SPRY2: variants seen among roughly 807,000 people sequenced by gnomAD.
The protein encoded by SPRY2 is sprouty RTK signaling antagonist 2.
Under a neutral mutation model 23.4 loss-of-function variants are expected in SPRY2, and 10 were observed. The ratio of observed to expected loss-of-function variants is 0.43; its 90% CI spans 0.26 to 0.73. SPRY2 has a LOEUF of 0.73. SPRY2 is among the 30% of genes least tolerant of loss of function. The probability of loss-of-function intolerance (pLI) is 0.22; values close to 1 mark genes in which losing one functional copy is unlikely to be tolerated. For synonymous variants in SPRY2, 170 were observed against 156.9 expected (o/e 1.08, Z -0.62); for missense variants, 344 against 396.9 (o/e 0.87, Z 1.13).
At position 80,336,677 on chromosome 13, in the gene SPRY2, T is replaced by C; in HGVS notation, c.*81A>G. The C allele has an allele frequency of 7.4e-7, 1 of 1,348,858 alleles. No individual in the cohort carries two copies. Among genetic ancestry groups the C allele is most frequent in the Non-Finnish European group, 1.0e-6 (1 of 963,906 alleles). 83.6% of individuals were successfully genotyped at this position (1,348,858 alleles called of 1,614,324 possible). A position where few individuals can be genotyped will look rare whatever the true frequency, so the allele number is the denominator to read the frequency against. ...CTTTCTATTAACAGTGCCAAGATTA[T>C]AACTGTTTAGTTGGTTGCATATGTG... On this transcript the variant is annotated 3_prime_UTR_variant, in exon 2 of 2. Coordinates refer to ENST00000377104, the MANE Select transcript of SPRY2 (RefSeq NM_005842.4).
intron 1 of SPRY2, among the ~76,000 whole-genome samples, chr13:80,338,451 T>C (rs558321651): frequency 5.3e-5 from 8 of 152,318 alleles, no homozygotes; most frequent in Admixed American, 6.5e-5. Context: ...CATGAATTTA[T>C]TTTCAACTTC....
rs1368730750 is a variant in SPRY2, at chr13:80,336,241, A to G, written c.*517T>C. Reference sequence around the variant, plus strand: ...AAGTCCAAAGGGAAATCAGAGTCTTACAATAAAGGCTTTCTGTAAGGCAAA... The same window carrying G: ...AAGTCCAAAGGGAAATCAGAGTCTTGCAATAAAGGCTTTCTGTAAGGCAAA... On this transcript the variant is annotated 3_prime_UTR_variant, in exon 2 of 2. Transcript: ENST00000377104. 1.1e-5 allele frequency: 2 copies of G among 174,816 alleles called. No homozygotes were observed. The highest frequency in any genetic ancestry group is 1.3e-4 in the South Asian group (1 of 7,434). 10.8% of individuals were successfully genotyped at this position (174,816 alleles called of 1,614,324 possible).
At chr13:80,339,450 TC>T (rs913969356) in intron 1 of SPRY2, 22 of 151,942 alleles carry the variant, frequency 1.4e-4, no homozygotes, top group African/African-American at 5.1e-4. Flanking sequence ...TTTTCCAGGG[TC>T]CCACTGCTCA....
At chr13:80,340,185 C>T (rs565574577) in intron 1 of SPRY2, among the ~76,000 whole-genome samples, 1 of 152,378 alleles carries the variant, frequency 6.6e-6, no homozygotes, top group African/African-American at 2.4e-5. Context: ...CAGCCTCTCC[C>T]TGGACTTTGC....
In SPRY2 at chr13:80,336,882, C is replaced by T. The variant is rs1244855227; in HGVS notation, c.824G>A (p.Cys275Tyr). The change falls in exon 2 of 2, where the codon TGC becomes TAC. Residue 275 changes from cysteine (C) to tyrosine (Y), a missense_variant. Transcript: ENST00000377104. ...CLWCYLPAKG[C>Y]LKLCQGCYDR... is the part of the protein sequence containing the mutation. Reference sequence around the variant, plus strand: ...ATAACACCCCTGGCACAATTTAAGGCAACCCTTGGCTGGAAGGTAACACCA... The same window carrying T: ...ATAACACCCCTGGCACAATTTAAGGTAACCCTTGGCTGGAAGGTAACACCA... 6.2e-7 allele frequency: 1 copy of T among 1,614,026 alleles called. No individual in the cohort carries two copies. Among genetic ancestry groups the T allele is most frequent in the Non-Finnish European group, 8.5e-7 (1 of 1,180,048 alleles).
In SPRY2 at chr13:80,336,849, AC is replaced by A; in HGVS notation, c.856del (p.Val286LeufsTer69). On this transcript the variant is annotated frameshift_variant, in exon 2 of 2. Transcript: ENST00000377104. LOFTEE classifies it high-confidence loss of function. ...TTTACAGCGGCAACCAGGCCTGTTAACCCGGTCATAACACCCCTGGCACAAT... is the reference window on the plus strand; with the variant it reads ...TTTACAGCGGCAACCAGGCCTGTTAACCGGTCATAACACCCCTGGCACAAT... ...LKLCQGCYDR[V>X]NRPGCRCKNS... is the part of the protein sequence containing the mutation. 6.2e-7 allele frequency: 1 copy of A among 1,614,134 alleles called. No individual in the cohort carries two copies. The highest frequency in any genetic ancestry group is 8.5e-7 in the Non-Finnish European group (1 of 1,180,028).
In SPRY2 at chr13:80,337,512, G is replaced by A; in HGVS notation, c.194C>T (p.Pro65Leu). ...GGGGCGAGGAGCAGGCTTGAGCCCA[G>A]GTCTTGGGACGACAGTAGGCCCCTC... ...YTEGPTVVPR[P>L]GLKPAPRPST... The change falls in exon 2 of 2, where the codon CCT becomes CTT. Residue 65 changes from proline (P) to leucine (L), a missense_variant. Pro to Leu is a moderately conservative substitution (Grantham distance 98). Coordinates refer to ENST00000377104, the MANE Select transcript of SPRY2 (RefSeq NM_005842.4). 1.2e-6 allele frequency: 2 copies of A among 1,614,198 alleles called. No homozygotes were observed. Among genetic ancestry groups the A allele is most frequent in the Non-Finnish European group, 1.7e-6 (2 of 1,180,048 alleles).
rs1436534053 is a variant in SPRY2, at chr13:80,337,031, G to C, written c.675C>G (p.Leu225=). ...CATCATCATTAGAACAGTGATAGAAGAGACCTTTCACACAGCATACACAAG... is the reference window on the plus strand; with the variant it reads ...CATCATCATTAGAACAGTGATAGAACAGACCTTTCACACAGCATACACAAG... ...YGTCVCCVKG[L]FYHCSNDDED... is the part of the protein sequence containing the mutation. The change falls in exon 2 of 2, where the codon CTC becomes CTG. Residue 225 remains leucine, a synonymous_variant. Coordinates refer to ENST00000377104, the MANE Select transcript of SPRY2 (RefSeq NM_005842.4). The C allele has an allele frequency of 6.2e-7, 1 of 1,614,132 alleles. No individual in the cohort carries two copies. The highest frequency in any genetic ancestry group is 8.5e-7 in the Non-Finnish European group (1 of 1,180,052).
At chr13:80,339,937 A>G (rs549139587) in intron 1 of SPRY2, among the ~76,000 whole-genome samples, 2 of 152,354 alleles carry the variant, frequency 1.3e-5, no homozygotes, top group Non-Finnish European at 2.9e-5. Context: ...CAAAAATAAA[A>G]TAAGTGTGAC....
chr13:80,337,489 G>C lies in SPRY2; in HGVS notation c.217C>G (p.Pro73Ala), dbSNP rs773647038. Residue 73 changes from proline to alanine, a missense_variant, in exon 2 of 2, where the codon CCC becomes GCC. Coordinates refer to ENST00000377104, the MANE Select transcript of SPRY2 (RefSeq NM_005842.4). ...CTCTCGTGTTTGTGCTGAGTGGAGG[G>C]GCGAGGAGCAGGCTTGAGCCCAGGT... ...PRPGLKPAPRPSTQHKHERLH... is the reference protein window; with the variant it reads ...PRPGLKPAPRASTQHKHERLH... 17 of 1,614,086 alleles carry C rather than the reference G, an allele frequency of 1.1e-5. No individual in the cohort carries two copies. The Admixed American group carries it at 2.3e-4, about 22-fold the overall frequency.
rs986586153 is a variant in SPRY2 at position 80,337,430 on chromosome 13, A to G, written c.276T>C (p.Pro92=). The G allele has an allele frequency of 6.8e-6, 11 of 1,614,134 alleles. No homozygotes were observed. In the Admixed American group the frequency reaches 1.5e-4, roughly 22 times the overall value. Residue 92 remains proline, a synonymous_variant, in exon 2 of 2, where the codon CCT becomes CCC. Transcript: ENST00000377104. ...AATGGACCTGCGAGTGCTGGAGCCT[A>G]GGAGGCTGGCGGTGCTCAGGCAGAC... ...LHGLPEHRQP[P]RLQHSQVHSS... is the part of the protein sequence containing the mutation.
rs1176986142 is a variant in SPRY2 at position 80,341,084 on chromosome 13, C to T, written c.-514G>A. The T allele has an allele frequency of 1.3e-5, 2 of 150,214 alleles. No individual in the cohort carries two copies. The highest frequency in any genetic ancestry group is 2.4e-5 in the African/African-American group (1 of 41,158). The allele number at this position is 150,214 out of a possible 1,614,324, so 9.3% of individuals were successfully genotyped here. On this transcript the variant is annotated 5_prime_UTR_variant, in exon 1 of 2. Transcript: ENST00000377104. Reference sequence around the variant, plus strand: ...CGCTGCGCGCTCCGCCGGCCCCTCTCCTCCGCTAGCGCTGCGGCGCGCAGC... The same window carrying T: ...CGCTGCGCGCTCCGCCGGCCCCTCTTCTCCGCTAGCGCTGCGGCGCGCAGC...
intron 1 of SPRY2, among the ~76,000 whole-genome samples, chr13:80,340,404 G>T (rs2137729235): frequency 6.6e-6 from 1 of 152,370 alleles, no homozygotes; most frequent in African/African-American, 2.4e-5. Flanking sequence ...ACTGCACGGG[G>T]TGCATACAGA....
At chr13:80,340,131 G>C (rs1031041541) in intron 1 of SPRY2, among the ~76,000 whole-genome samples, 1 of 152,208 alleles carries the variant, frequency 6.6e-6, no homozygotes, top group Non-Finnish European at 1.5e-5. Flanking sequence ...CCCCCGAGGC[G>C]GGCAACCTGT....
At chr13:80,338,578 C>G (rs1880381066) in intron 1 of SPRY2, among the ~76,000 whole-genome samples, 2 of 152,172 alleles carry the variant, frequency 1.3e-5, no homozygotes, top group African/African-American at 4.8e-5. Flanking sequence ...GTGATAATAA[C>G]CAGAAAAGCG....
At position 80,336,559 on chromosome 13, in the gene SPRY2, T is replaced by G; in HGVS notation, c.*199A>C. On this transcript the variant is annotated 3_prime_UTR_variant, in exon 2 of 2. Transcript: ENST00000377104. The stretch of plus-strand genomic sequence containing the variant: ...GTCACCAAGTTCTGTATCTCATACT[T>G]TGAGCTCCATTAGCTGAGTTCTAAC... 1 of 654,422 alleles carries G rather than the reference T, an allele frequency of 1.5e-6. No homozygotes were observed. Among genetic ancestry groups the G allele is most frequent in the Non-Finnish European group, 2.6e-6 (1 of 378,700 alleles). 40.5% of individuals were successfully genotyped at this position (654,422 alleles called of 1,614,324 possible). A position where few individuals can be genotyped will look rare whatever the true frequency, so the allele number is the denominator to read the frequency against.
intron 1 of SPRY2, chr13:80,338,960 G>A (rs1461912080): frequency 2.0e-5 from 3 of 152,346 alleles, no homozygotes; most frequent in African/African-American, 7.2e-5. Context: ...GTTTCTCCAG[G>A]CGGACTGACG....
Position 80,337,661 on chromosome 13 carries a change from C to T in SPRY2, c.45G>A (p.Leu15=). Residue 15 remains leucine, a synonymous_variant, in exon 2 of 2, where the codon CTG becomes CTA. Coordinates refer to ENST00000377104, the MANE Select transcript of SPRY2 (RefSeq NM_005842.4). ...AQSGNGSQPL[L]QTPRDGGRQR... ...GTCTGCCACCGTCACGGGGCGTCTG[C>T]AGCAAGGGCTGCGACCCGTTGCCAC... is the stretch of plus-strand genomic sequence containing the variant. 5 of 1,613,556 alleles carry T rather than the reference C, an allele frequency of 3.1e-6. No homozygotes were observed. The highest frequency in any genetic ancestry group is 4.2e-6 in the Non-Finnish European group (5 of 1,180,032).
At position 80,340,749 on chromosome 13, in the gene SPRY2, G is replaced by C. The variant is rs1880481148; in HGVS notation, c.-179C>G. On this transcript the variant is annotated 5_prime_UTR_variant, in exon 1 of 2. Transcript: ENST00000377104. ...ACCTCTGCTTTAGACCAACTTCCGA[G>C]CAATCGGCGGGAGAAAAAAAGAGAA... 6.6e-6 allele frequency: 1 copy of C among 152,376 alleles called. No homozygotes were observed. Among genetic ancestry groups the C allele is most frequent in the East Asian group, 1.9e-4 (1 of 5,180 alleles). 9.4% of individuals were successfully genotyped at this position (152,376 alleles called of 1,614,324 possible).
Sources: gnomAD v4.1 joint callset for allele counts (sites outside exome capture counted in the v4.1 genomes callset) on GRCh38, gnomAD v4.1.1 for gene constraint, MANE v1.5 for transcripts, NCBI Gene and HGNC (gene_info 2026-07-23, HGNC 2026-07-21) for gene names.